LRP8: variants seen among roughly 807,000 people sequenced by gnomAD.
LRP8 encodes the protein LDL receptor related protein 8, also known as low-density lipoprotein receptor-related protein 8.
A neutral mutation model predicts 111.6 loss-of-function variants in LRP8; 46 were observed. The ratio of observed to expected loss-of-function variants is 0.41; its 90% confidence interval spans 0.33 to 0.53. LRP8 has a LOEUF of 0.53. LRP8 is among the 20% of genes least tolerant of loss of function. The pLI is 0.20. For missense variants in LRP8, 959 were observed against 1,297.4 expected, an observed-to-expected ratio of 0.74 and a Z score of 4.01; for synonymous variants, 464 against 511.2, an observed-to-expected ratio of 0.91 and a Z score of 1.24.
At chr1:53,324,526 A>G (rs1654899207) in intron 2 of LRP8, among the ~76,000 whole-genome samples, 1 of 152,186 alleles carries the variant, frequency 6.6e-6, no homozygotes, top group Admixed American at 6.5e-5. Flanking sequence ...CAAGCTCAGA[A>G]AAGCCAAGCC....
intron 16 of LRP8, among the ~76,000 whole-genome samples, chr1:53,251,476 CTATGTT>C (rs1360549710): frequency 6.6e-6 from 1 of 151,704 alleles, no homozygotes; most frequent in African/African-American, 2.4e-5. Context: ...GAATAAATGA[CTATGTT>C]AATGATTAAA....
At position 53,250,569 on chromosome 1, in the gene LRP8, A is replaced by G. The variant is rs1456372400; in HGVS notation, c.2676+121T>C. 1.3e-6 allele frequency: 1 copy of G among 794,000 alleles called. No homozygotes were observed. Among genetic ancestry groups the G allele is most frequent in the Non-Finnish European group, 2.0e-6 (1 of 493,124 alleles). The allele number at this position is 794,000 out of a possible 1,614,324, so 49.2% of individuals were successfully genotyped here. On this transcript the variant is annotated intron_variant, in intron 17 of 18. Transcript: ENST00000306052. This position sits in a 1 kb window ranked among gnomAD's most constrained non-coding sequence, Gnocchi z 4.6. ...AAGGACGGAAGGAAAGGAGGGAGGG[A>G]AGGACGGAAGGAAGGAAGGGAGGGA... is the stretch of plus-strand genomic sequence containing the variant.
chr1:53,325,625 A>G (rs1655031460), intron 2 of LRP8, among the ~76,000 whole-genome samples: 1 of 152,260 alleles, frequency 6.6e-6, no homozygotes, highest in African/African-American at 2.4e-5. Context: ...ACTTTGGGTT[A>G]GGTCTGAAAG....
intron 1 of LRP8, 129 bp downstream of exon 1, chr1:53,327,660 G>A (rs1655338684): frequency 3.9e-6 from 5 of 1,277,340 alleles, no homozygotes; most frequent in Non-Finnish European, 5.0e-6. Context: ...GCCGCTTCGC[G>A]TGGAGCCTGT....
intron 2 of LRP8, among the ~76,000 whole-genome samples, chr1:53,324,459 T>A (rs1043732553): frequency 2.0e-5 from 3 of 152,122 alleles, no homozygotes; most frequent in African/African-American, 7.2e-5. Context: ...GCCCTGTGTG[T>A]CTATGTGCAC....
intron 3 of LRP8, among the ~76,000 whole-genome samples, chr1:53,287,397 G>T (rs965183823): frequency 6.6e-6 from 1 of 152,240 alleles, no homozygotes; most frequent in Non-Finnish European, 1.5e-5. Flanking sequence ...AGGGGGAAAG[G>T]GGGTCTCAGA....
intron 2 of LRP8, chr1:53,292,205 T>G (rs1226942256): frequency 1.3e-5 from 2 of 152,246 alleles, no homozygotes; most frequent in African/African-American, 4.8e-5. Context: ...ATGTCTGTCC[T>G]TCTCAGTGGA....
chr1:53,273,926 C>T (rs925853559), intron 6 of LRP8, among the ~76,000 whole-genome samples: 3 of 151,968 alleles, frequency 2.0e-5, no homozygotes, highest in African/African-American at 7.2e-5. Context: ...CCCAGGGCTT[C>T]TCTGTCAAAT....
chr1:53,313,317 C>G (rs1653335602), intron 2 of LRP8, among the ~76,000 whole-genome samples: 1 of 152,046 alleles, frequency 6.6e-6, no homozygotes, highest in African/African-American at 2.4e-5. Flanking sequence ...AGGCGCTTCC[C>G]AGGGACTCAC....
At chr1:53,300,551 G>A (rs977170427) in intron 2 of LRP8, among the ~76,000 whole-genome samples, 8 of 152,242 alleles carry the variant, frequency 5.3e-5, no homozygotes, top group East Asian at 1.9e-4. Context: ...CACCCTGGCC[G>A]TCAGTGCTGA....
intron 3 of LRP8, among the ~76,000 whole-genome samples, chr1:53,285,739 G>A (rs940369662): frequency 6.6e-6 from 1 of 152,140 alleles, no homozygotes; most frequent in Non-Finnish European, 1.5e-5. Flanking sequence ...GGTCCACCGC[G>A]ATGCAGACCC....
chr1:53,302,069 G>T (rs1343175071), intron 2 of LRP8, among the ~76,000 whole-genome samples: 1 of 152,126 alleles, frequency 6.6e-6, no homozygotes, highest in Non-Finnish European at 1.5e-5. Context: ...GCTGGAGGGA[G>T]AGGAGGCAGG....
rs773539933 is a variant in LRP8, at chr1:53,277,110, G to A, written c.497-32C>T. The A allele has an allele frequency of 4.1e-6, 6 of 1,450,264 alleles. No homozygotes were observed. The Admixed American group carries it at 1.5e-4, about 36-fold the overall frequency. 89.8% of individuals were successfully genotyped at this position (1,450,264 alleles called of 1,614,324 possible). A position where few individuals can be genotyped will look rare whatever the true frequency, so the allele number is the denominator to read the frequency against. On this transcript the variant is annotated intron_variant, in intron 4 of 18. Coordinates refer to ENST00000306052, the MANE Select transcript of LRP8 (RefSeq NM_004631.5). The stretch of plus-strand genomic sequence containing the variant: ...GGGACAGAGAGCCGGTCGGCCCGCC[G>A]ACCCCCTCCCCGGCCGACCTGGGGC...
chr1:53,281,268 C>T (rs1434230244), intron 3 of LRP8, among the ~76,000 whole-genome samples: 3 of 152,262 alleles, frequency 2.0e-5, no homozygotes, highest in Non-Finnish European at 2.9e-5. Flanking sequence ...GCAGCTGCTG[C>T]ATGGCAGGGC....
chr1:53,243,810 G>T lies in LRP8; in HGVS notation c.*3208C>A, dbSNP rs1645681870. The T allele has an allele frequency of 6.6e-6, 1 of 152,224 alleles. No homozygotes were observed. Among genetic ancestry groups the T allele is most frequent in the Admixed American group, 6.5e-5 (1 of 15,288 alleles). 9.4% of individuals were successfully genotyped at this position (152,224 alleles called of 1,614,324 possible). A position where few individuals can be genotyped will look rare whatever the true frequency, so the allele number is the denominator to read the frequency against. On this transcript the variant is annotated 3_prime_UTR_variant, in exon 19 of 19. Transcript: ENST00000306052. ...CTATTCCTCATTTCTTAGGTGGAAA[G>T]ACCCCTCTCTCCTTTGAGCCCTAAC...
At chr1:53,327,167 G>C (rs1043337564) in intron 1 of LRP8, 175 bp from the exon 2 acceptor site, 1 of 860,180 alleles carries the variant, frequency 1.2e-6, no homozygotes, top group Non-Finnish European at 1.7e-6. Flanking sequence ...GGGGTTCCGT[G>C]GATGTCGGGC....
Position 53,260,547 on chromosome 1 carries a change from T to C in LRP8, c.1973A>G (p.Asn658Ser), listed in dbSNP as rs1438085263. The C allele has an allele frequency of 1.2e-6, 2 of 1,614,116 alleles. No individual in the cohort carries two copies. Among genetic ancestry groups the C allele is most frequent in the African/African-American group, 2.7e-5 (2 of 74,944 alleles). The change falls in exon 13 of 19, where the codon AAT becomes AGT. Residue 658 changes from asparagine to serine, a missense_variant. Physicochemically the swap from Asn to Ser is conservative, Grantham distance 46 (BLOSUM62 1). Transcript: ENST00000306052. ...AGCCAGGATGGAGATTTCCAGGCCA[T>C]TGAGCCGATTTGCACTGAAAATGGC... ...NEAIFSANRL[N>S]GLEISILAEN...
chr1:53,289,787 G>T, intron 2 of LRP8, 98 bp from the exon 3 acceptor site: 1 of 1,517,376 alleles, frequency 6.6e-7, no homozygotes, highest in Non-Finnish European at 8.9e-7. Context: ...GCCATGGACT[G>T]CCTTGCTGAC....
chr1:53,300,034 C>A (rs182960693), intron 2 of LRP8, among the ~76,000 whole-genome samples: 4 of 152,256 alleles, frequency 2.6e-5, no homozygotes, highest in Non-Finnish European at 4.4e-5. Flanking sequence ...CACTGTCCTA[C>A]CAAAGTCCTC....
Sources: gnomAD v4.1 joint callset for allele counts (sites outside exome capture counted in the v4.1 genomes callset) on GRCh38, gnomAD v4.1.1 for gene constraint, Gnocchi (gnomAD v3.1) non-coding constraint, MANE v1.5 for transcripts, NCBI Gene and HGNC (gene_info 2026-07-23, HGNC 2026-07-21) for gene names.